The following OTUD7A variants were observed in gnomAD, a reference collection of about 807,000 sequenced individuals.
The protein encoded by OTUD7A is OTU deubiquitinase 7A, also known as OTU domain-containing protein 7A.
In OTUD7A, 12 loss-of-function variants were observed where a neutral mutation model predicts 65.7. The observed-to-expected ratio is 0.18, with a 90% CI of 0.12 to 0.30. The LOEUF (loss-of-function observed/expected upper bound fraction) is 0.30, where lower values mean the gene tolerates loss of function less well. Ranked by LOEUF, OTUD7A falls within the 10% of genes least tolerant of loss-of-function variation. The pLI is 1.00. For missense variants in OTUD7A, 1,148 were observed against 1,304.8 expected, an observed-to-expected ratio of 0.88 and a Z score of 1.85; for synonymous variants, 641 against 586.3, an observed-to-expected ratio of 1.09 and a Z score of -1.35.
At chr15:31,664,595 C>T (rs2141288560) in intron 1 of OTUD7A, among the ~76,000 whole-genome samples, 1 of 152,218 alleles carries the variant, frequency 6.6e-6, no homozygotes, top group Middle Eastern at 3.4e-3. Context: ...GATTTTCTCC[C>T]ACTCTGTGGG....
chr15:31,764,964 A>G (rs1895060259), intron 1 of OTUD7A, among the ~76,000 whole-genome samples: 1 of 152,182 alleles, frequency 6.6e-6, no homozygotes, highest in Non-Finnish European at 1.5e-5. Context: ...TTAAAAAATA[A>G]ATACCTTATG....
chr15:31,822,813 C>A (rs1011435021), intron 1 of OTUD7A, among the ~76,000 whole-genome samples: 7 of 152,182 alleles, frequency 4.6e-5, no homozygotes, highest in Non-Finnish European at 1.0e-4. Flanking sequence ...CTGGAAATAT[C>A]TTTGTATAGA....
At chr15:31,589,792 C>T (rs570774517) in intron 3 of OTUD7A, among the ~76,000 whole-genome samples, 1 of 151,974 alleles carries the variant, frequency 6.6e-6, no homozygotes, top group South Asian at 2.1e-4. Context: ...AAACAACTGG[C>T]TAAATAATGT....
At chr15:31,750,669 A>G (rs1894609256) in intron 1 of OTUD7A, among the ~76,000 whole-genome samples, 1 of 152,204 alleles carries the variant, frequency 6.6e-6, no homozygotes, top group Non-Finnish European at 1.5e-5. Context: ...ACATAGATCA[A>G]TGGAACAAAA....
chr15:31,735,973 TACC>T (rs1442364490), intron 1 of OTUD7A, among the ~76,000 whole-genome samples: 1 of 152,098 alleles, frequency 6.6e-6, no homozygotes, highest in Non-Finnish European at 1.5e-5. Flanking sequence ...GAAAATCAAA[TACC>T]ACATGTTCTC....
chr15:31,561,985 G>A (rs1888707292), intron 4 of OTUD7A, among the ~76,000 whole-genome samples: 1 of 152,194 alleles, frequency 6.6e-6, no homozygotes. Context: ...AAGGGGAGAT[G>A]TATTAACTAT....
chr15:31,754,644 T>C (rs1480974407), intron 1 of OTUD7A, among the ~76,000 whole-genome samples: 1 of 152,106 alleles, frequency 6.6e-6, no homozygotes, highest in Non-Finnish European at 1.5e-5. Flanking sequence ...TTTGTTTGCT[T>C]TGTTGAAGAT....
At chr15:31,850,773 C>T (rs2141004469) in intron 1 of OTUD7A, among the ~76,000 whole-genome samples, 1 of 152,228 alleles carries the variant, frequency 6.6e-6, no homozygotes, top group African/African-American at 2.4e-5. Context: ...ACCAACAACC[C>T]AAGGAGTTAA....
At chr15:31,577,660 C>G (rs182045550) in intron 3 of OTUD7A, among the ~76,000 whole-genome samples, 19 of 151,968 alleles carry the variant, frequency 1.3e-4, no homozygotes, top group Admixed American at 1.2e-3. Flanking sequence ...CATGGTCATT[C>G]GTACTGGCTC....
At chr15:31,777,901 G>T (rs1310573068) in intron 1 of OTUD7A, among the ~76,000 whole-genome samples, 1 of 152,200 alleles carries the variant, frequency 6.6e-6, no homozygotes, top group Non-Finnish European at 1.5e-5. Context: ...AGCACCCAAG[G>T]CAGTGGCAGA....
chr15:31,506,527 GTTTTT>G (rs1377962168), intron 8 of OTUD7A, among the ~76,000 whole-genome samples: 29 of 151,942 alleles, frequency 1.9e-4, no homozygotes, highest in Admixed American at 6.6e-4. Flanking sequence ...GCGGTGTTTT[GTTTTT>G]ATTTTTTTAG....
Position 31,870,580 on chromosome 15 carries a change from C to T in OTUD7A, c.-173G>A, listed in dbSNP as rs1176276944. On this transcript the variant is annotated 5_prime_UTR_variant, in exon 1 of 13. Transcript: ENST00000307050. ...CCGCTACCCGACTTCCATTTTCTCTCGCTTTAAAGGAAAACCAGATCAGCT... is the reference window on the plus strand; with the variant it reads ...CCGCTACCCGACTTCCATTTTCTCTTGCTTTAAAGGAAAACCAGATCAGCT... 1 of 148,174 alleles carries T rather than the reference C, an allele frequency of 6.7e-6. No homozygotes were observed. The highest frequency in any genetic ancestry group is 1.5e-5 in the Non-Finnish European group (1 of 66,608). The allele number at this position is 148,174 out of a possible 1,614,324, so 9.2% of individuals were successfully genotyped here. A position where few individuals can be genotyped will look rare whatever the true frequency, so the allele number is the denominator to read the frequency against.
intron 1 of OTUD7A, among the ~76,000 whole-genome samples, chr15:31,764,343 TG>T (rs1895046601): frequency 6.6e-6 from 1 of 152,156 alleles, no homozygotes; most frequent in Non-Finnish European, 1.5e-5. Flanking sequence ...TAATGTTAAA[TG>T]GAACACTATC....
intron 1 of OTUD7A, among the ~76,000 whole-genome samples, chr15:31,685,646 G>A (rs995539471): frequency 3.3e-5 from 5 of 152,214 alleles, no homozygotes; most frequent in African/African-American, 7.2e-5. Flanking sequence ...GCGACAGAGC[G>A]AGACTCCGTC....
At chr15:31,678,144 G>C (rs1210300027) in intron 1 of OTUD7A, among the ~76,000 whole-genome samples, 1 of 152,224 alleles carries the variant, frequency 6.6e-6, no homozygotes, top group African/African-American at 2.4e-5. Context: ...AGGGTATCTG[G>C]TGGGAGAAAT....
chr15:31,534,998 T>G (rs897794313), intron 5 of OTUD7A, among the ~76,000 whole-genome samples: 15 of 152,238 alleles, frequency 9.9e-5, no homozygotes, highest in African/African-American at 3.1e-4. Flanking sequence ...GTATTTTGCA[T>G]ACTAGCACAG....
chr15:31,639,831 C>A (rs1248958623), intron 3 of OTUD7A, among the ~76,000 whole-genome samples: 1 of 152,066 alleles, frequency 6.6e-6, no homozygotes, highest in Non-Finnish European at 1.5e-5. Flanking sequence ...GAAGTCTGTT[C>A]AAAGCTTTTG....
chr15:31,509,284 A>T (rs1173612503), intron 8 of OTUD7A, among the ~76,000 whole-genome samples: 5 of 151,448 alleles, frequency 3.3e-5, no homozygotes, highest in Admixed American at 2.0e-4. Context: ...ATTTGTTTAA[A>T]CTTTTTTTTT....
chr15:31,657,987 G>A (rs1421629428), intron 1 of OTUD7A, among the ~76,000 whole-genome samples: 2 of 152,176 alleles, frequency 1.3e-5, no homozygotes, highest in Non-Finnish European at 2.9e-5. Flanking sequence ...CCCAGGGAGA[G>A]TAATGTGTCC....
Sources: allele counts gnomAD v4.1 joint callset (sites outside exome capture counted in the v4.1 genomes callset), GRCh38; gene constraint gnomAD v4.1.1; transcripts MANE v1.5; gene names NCBI Gene and HGNC (gene_info 2026-07-23, HGNC 2026-07-21).